The following C4orf50 variants were observed in gnomAD, a reference collection of about 807,000 sequenced individuals.
C4orf50 encodes uncharacterized protein C4orf50.
Under a neutral mutation model 77.2 loss-of-function variants are expected in C4orf50, and 80 were observed. The ratio of observed to expected loss-of-function variants is 1.04; its 90% CI spans 0.87 to 1.25. The LOEUF (loss-of-function observed/expected upper bound fraction) is 1.25, where lower values mean the gene tolerates loss of function less well. Among genes scored for constraint, C4orf50 ranks in the 50% most tolerant of loss-of-function variants. C4orf50 has a pLI of 0.00. For synonymous variants in C4orf50, 532 were observed against 465.3 expected (o/e 1.14, Z -1.84); for missense variants, 1,257 against 1,152.9 (o/e 1.09, Z -1.31).
chr4:5,975,969 G>A lies in C4orf50; in HGVS notation c.3865-14C>T, dbSNP rs181799651. On this transcript the variant is annotated splice_polypyrimidine_tract_variant and intron_variant, in intron 29 of 33. Transcript: ENST00000531445. ...AAGTTCTTCAAGCTGAAATAAAAGCGACATTTTTGACAACACTGCACTGTC... is the reference window on the plus strand; with the variant it reads ...AAGTTCTTCAAGCTGAAATAAAAGCAACATTTTTGACAACACTGCACTGTC... 15 of 1,611,288 alleles carry A rather than the reference G, an allele frequency of 9.3e-6. No homozygotes were observed. Among genetic ancestry groups the A allele is most frequent in the African/African-American group, 2.7e-5 (2 of 74,966 alleles).
exon 28 of C4orf50, chr4:5,989,746 C>G (rs1721144900): frequency 4.6e-6 from 7 of 1,534,366 alleles, no homozygotes; most frequent in Non-Finnish European, 6.1e-6. Context: ...CAGTGGCAAA[C>G]CTGTCTCTCC....
At chr4:5,964,622 G>T (rs534990476) in intron 33 of C4orf50, among the ~76,000 whole-genome samples, 1 of 152,130 alleles carries the variant, frequency 6.6e-6, no homozygotes, top group South Asian at 2.1e-4. Context: ...ACAAAAATTA[G>T]CCGGGCATGG....
exon 28 of C4orf50, chr4:5,990,751 A>C: frequency 2.5e-6 from 1 of 399,120 alleles, no homozygotes; most frequent in Middle Eastern, 6.3e-4. Context: ...TGACTCGTCC[A>C]AGCACTCCTC....
Position 5,935,466 on chromosome 4 carries a change from G to C in C4orf50, c.*2474+21435C>G, listed in dbSNP as rs147976338. 3.3e-5 allele frequency among the ~76,000 whole-genome samples: 5 copies of C among 152,326 alleles called. No individual in the cohort carries two copies. The East Asian group carries it at 7.7e-4, about 24-fold the overall frequency. On this transcript the variant is annotated intron_variant, in intron 7 of 7. Transcript: ENST00000324058. Reference sequence around the variant, plus strand: ...TTGAGCCTGTGATATATTTGGGGCTGATGCTGAAACACACAGGATTCCTAT... The same window carrying C: ...TTGAGCCTGTGATATATTTGGGGCTCATGCTGAAACACACAGGATTCCTAT...
rs534466101 is a variant in C4orf50, at chr4:6,009,151, C to G, written c.427-619G>C. The stretch of plus-strand genomic sequence containing the variant: ...TCACTGCGGCCAGGATGCCAAGCGC[C>G]TTGTATCTGACTCAGGCCTTTTCTT... On this transcript the variant is annotated intron_variant, in intron 24 of 33. Transcript: ENST00000531445. This position sits in a 1 kb window ranked among gnomAD's most constrained non-coding sequence, Gnocchi z 5.6. 1.3e-5 allele frequency among the ~76,000 whole-genome samples: 2 copies of G among 152,204 alleles called. No homozygotes were observed. Among genetic ancestry groups the G allele is most frequent in the Non-Finnish European group, 2.9e-5 (2 of 68,042 alleles).
rs1185347602 is a variant in C4orf50 at position 5,970,090 on chromosome 4, A to C, written c.4105-2628T>G. On this transcript the variant is annotated intron_variant, in intron 31 of 33. Coordinates refer to ENST00000531445, the Ensembl canonical transcript of C4orf50. The surrounding 1 kb of genome is among the most constrained non-coding windows in gnomAD (Gnocchi z 4.3). ...GACGATGTAACTGAATACAAACAGC[A>C]AAGGTGTCTCATTTCATGCTTGTGA... 6.6e-6 allele frequency among the ~76,000 whole-genome samples: 1 copy of C among 152,048 alleles called. No homozygotes were observed. Among genetic ancestry groups the C allele is most frequent in the Non-Finnish European group, 1.5e-5 (1 of 68,000 alleles).
chr4:5,995,738 C>T (rs959131581), intron 25 of C4orf50, among the ~76,000 whole-genome samples: 3 of 152,210 alleles, frequency 2.0e-5, no homozygotes, highest in Non-Finnish European at 4.4e-5. Context: ...ATAAATGTTT[C>T]ATCATTGGGT....
chr4:5,915,727 G>A (rs1717001777), intron 7 of C4orf50, among the ~76,000 whole-genome samples: 1 of 152,140 alleles, frequency 6.6e-6, no homozygotes. Context: ...CTGATGAGTG[G>A]GTAATAAACA....
intron 25 of C4orf50, among the ~76,000 whole-genome samples, chr4:5,999,035 C>A (rs1721716308): frequency 1.3e-5 from 2 of 152,194 alleles, no homozygotes; most frequent in Non-Finnish European, 2.9e-5. Context: ...AAGCATATGA[C>A]CCCAGGCAAG....
intron 7 of C4orf50, among the ~76,000 whole-genome samples, chr4:5,948,431 G>T (rs544110405): frequency 1.3e-5 from 2 of 152,206 alleles, no homozygotes; most frequent in Non-Finnish European, 2.9e-5. Flanking sequence ...TTGGGAGGCC[G>T]AGGTGGGTGG....
At chr4:5,933,523 G>C (rs1717858453) in intron 7 of C4orf50, among the ~76,000 whole-genome samples, 1 of 152,208 alleles carries the variant, frequency 6.6e-6, no homozygotes, top group Admixed American at 6.5e-5. Flanking sequence ...CTCCACGCCA[G>C]TTACCTGCTC....
chr4:5,967,369 T>C, intron 32 of C4orf50, 45 bp downstream of exon 10: 6 of 1,548,486 alleles, frequency 3.9e-6, no homozygotes, highest in Non-Finnish European at 5.4e-6. Context: ...CGGCCTGGAC[T>C]TTTTCTGAGC....
intron 23 of C4orf50, among the ~76,000 whole-genome samples, chr4:6,013,249 G>C (rs1030570955): frequency 6.6e-6 from 1 of 152,150 alleles, no homozygotes; most frequent in Non-Finnish European, 1.5e-5. Context: ...GTGCTCTCTC[G>C]TGAGGATCAT....
rs1413438972 is a variant in C4orf50 at position 5,905,899 on chromosome 4, A to G, written c.*2475-7711T>C. Among the ~76,000 whole-genome samples, 4 of 144,166 alleles carry G rather than the reference A, an allele frequency of 2.8e-5. No individual in the cohort carries two copies. The East Asian group carries it at 8.2e-4, about 30-fold the overall frequency. The allele number at this position is 144,166 out of a possible 152,430, so 94.6% of individuals were successfully genotyped here. On this transcript the variant is annotated intron_variant, in intron 7 of 7. Coordinates refer to the C4orf50 transcript ENST00000324058. The surrounding 1 kb of genome is among the most constrained non-coding windows in gnomAD (Gnocchi z 5.4). ...GGACACCTGCTGTGTGGTAATCTCT[A>G]TGCTAAGCACGGGGGCAGGGGGGCG...
At chr4:5,960,437 C>G (rs1719210509) in intron 33 of C4orf50, among the ~76,000 whole-genome samples, 1 of 152,226 alleles carries the variant, frequency 6.6e-6, no homozygotes, top group Non-Finnish European at 1.5e-5. Flanking sequence ...GAGCCGACTT[C>G]TCCACCAGTT....
chr4:5,942,548 T>C (rs1202246371), intron 7 of C4orf50, among the ~76,000 whole-genome samples: 3 of 152,240 alleles, frequency 2.0e-5, no homozygotes, highest in African/African-American at 4.8e-5. Flanking sequence ...ATAATTTTAC[T>C]GAAATAATAA....
intron 29 of C4orf50, among the ~76,000 whole-genome samples, chr4:5,978,671 T>G (rs147273338): frequency 6.6e-6 from 1 of 152,348 alleles, no homozygotes; most frequent in African/African-American, 2.4e-5. Context: ...ACCACTACTT[T>G]GGAAAGCAAT....
exon 34 of C4orf50, chr4:5,959,485 G>A: frequency 1.2e-6 from 2 of 1,614,216 alleles, no homozygotes; most frequent in Non-Finnish European, 1.7e-6. Flanking sequence ...AGCTCAGAGG[G>A]TGCTGGGACG....
In C4orf50 at chr4:6,009,062, G is replaced by A. The variant is rs1372709008; in HGVS notation, c.427-530C>T. On this transcript the variant is annotated intron_variant, in intron 24 of 33. Transcript: ENST00000531445. The surrounding 1 kb of genome is among the most constrained non-coding windows in gnomAD (Gnocchi z 5.6). ...GTCATTACTGTGGATACTCCACCTG[G>A]AGGGAGGTACGTTACTAGCCTGAGA... Among the ~76,000 whole-genome samples, 1 of 152,224 alleles carries A rather than the reference G, an allele frequency of 6.6e-6. No individual in the cohort carries two copies. Among genetic ancestry groups the A allele is most frequent in the Admixed American group, 6.5e-5 (1 of 15,286 alleles).
Sources: allele counts gnomAD v4.1 joint callset (sites outside exome capture counted in the v4.1 genomes callset), GRCh38; gene constraint gnomAD v4.1.1; non-coding constraint Gnocchi (gnomAD v3.1); transcripts MANE v1.5; gene names NCBI Gene and HGNC (gene_info 2026-07-23, HGNC 2026-07-21).